The following APBB2 variants were observed in gnomAD, a reference collection of about 807,000 sequenced individuals.
APBB2 encodes the protein Fe65-like 1.
In APBB2, 38 loss-of-function variants were observed where a neutral mutation model predicts 82.5. The ratio of observed to expected loss-of-function variants is 0.46; its 90% CI spans 0.36 to 0.60. APBB2 has a LOEUF of 0.60. Ranked by LOEUF, APBB2 falls within the 20% of genes least tolerant of loss-of-function variation. APBB2 has a pLI of 0.00. For synonymous variants in APBB2, 341 were observed against 368.2 expected (o/e 0.93, Z 0.85); for missense variants, 772 against 972.3 (o/e 0.79, Z 2.74).
intron 1 of APBB2, among the ~76,000 whole-genome samples, chr4:41,206,985 G>A (rs1340027256): frequency 6.6e-6 from 1 of 152,006 alleles, no homozygotes; most frequent in Non-Finnish European, 1.5e-5. Context: ...ATCACTTGAG[G>A]TCAGGAGTTC....
chr4:40,839,134 G>C (rs1381794664), intron 12 of APBB2, among the ~76,000 whole-genome samples: 4 of 151,984 alleles, frequency 2.6e-5, no homozygotes, highest in African/African-American at 7.3e-5. Context: ...CTGGAGTGCA[G>C]TGGTGCAATC....
At chr4:40,846,348 AG>A (rs1466314365) in intron 12 of APBB2, among the ~76,000 whole-genome samples, 4 of 150,572 alleles carry the variant, frequency 2.7e-5, no homozygotes, top group Non-Finnish European at 5.9e-5. Context: ...AAAAAAAAAA[AG>A]TGCACAGACT....
intron 1 of APBB2, among the ~76,000 whole-genome samples, chr4:41,159,206 C>G (rs1764231097): frequency 6.6e-6 from 1 of 152,140 alleles, no homozygotes; most frequent in Non-Finnish European, 1.5e-5. Flanking sequence ...AATGTATTAG[C>G]CTTAAATCGA....
At chr4:40,901,907 T>TTA (rs1485703265) in intron 10 of APBB2, among the ~76,000 whole-genome samples, 4 of 121,482 alleles carry the variant, frequency 3.3e-5, no homozygotes, top group African/African-American at 1.1e-4. Context: ...ATATCCAAAA[T>TTA]TATGTGTGTG....
Position 40,814,344 on chromosome 4 carries a change from CTCT to C in APBB2, c.*1745_*1747del, listed in dbSNP as rs1173243226. ...CTGACAATAGATCTTTCCATACCTG[CTCT>C]TCTTAGTATATGCCCAGAATCATTC... On this transcript the variant is annotated 3_prime_UTR_variant, in exon 18 of 18. Coordinates refer to ENST00000508593, the MANE Select transcript of APBB2 (RefSeq NM_004307.2). The C allele has an allele frequency of 6.6e-6, 1 of 151,440 alleles. No individual in the cohort carries two copies. The highest frequency in any genetic ancestry group is 1.5e-5 in the Non-Finnish European group (1 of 67,838). 9.4% of individuals were successfully genotyped at this position (151,440 alleles called of 1,614,324 possible).
rs539564053 is a variant in APBB2 at position 40,887,765 on chromosome 4, T to C, written c.1529+2599A>G. ...CTGCTAGCTATGTGGAACCCTCCCA[T>C]GATCTCGCTGAGGTCCTGCTAGCTA... On this transcript the variant is annotated intron_variant, in intron 12 of 17. Coordinates refer to ENST00000508593, the MANE Select transcript of APBB2 (RefSeq NM_004307.2). Among the ~76,000 whole-genome samples, 241 of 152,272 alleles carry C rather than the reference T, an allele frequency of 1.6e-3. 1 individual carries two copies. The highest frequency in any genetic ancestry group is 5.4e-3 in the African/African-American group (224 of 41,566).
At chr4:41,090,128 TA>T (rs1408281068) in intron 3 of APBB2, among the ~76,000 whole-genome samples, 1 of 152,190 alleles carries the variant, frequency 6.6e-6, no homozygotes, top group Non-Finnish European at 1.5e-5. Flanking sequence ...AGACATAATT[TA>T]AAAGAAGATT....
In APBB2 at chr4:40,891,070, T is replaced by C. The variant is rs1458553902; in HGVS notation, c.1402-579A>G. On this transcript the variant is annotated intron_variant, in intron 11 of 17. Coordinates refer to ENST00000508593, the MANE Select transcript of APBB2 (RefSeq NM_004307.2). ...TACGTGCTTAAGGTGCACTGGCTCA[T>C]GAACTCTCTAAATTGCCCTCTGAGG... Among the ~76,000 whole-genome samples the C allele has an allele frequency of 2.0e-5, 3 of 152,232 alleles. No individual in the cohort carries two copies. In the East Asian group the frequency reaches 5.8e-4, roughly 29 times the overall value.
intron 4 of APBB2, among the ~76,000 whole-genome samples, chr4:41,037,348 A>C (rs1203267436): frequency 6.6e-6 from 1 of 152,210 alleles, no homozygotes; most frequent in Admixed American, 6.5e-5. Context: ...TGAAACGATA[A>C]TATTTTGGTT....
intron 6 of APBB2, among the ~76,000 whole-genome samples, chr4:40,962,461 AG>A (rs1319624892): frequency 6.6e-6 from 1 of 152,238 alleles, no homozygotes; most frequent in African/African-American, 2.4e-5. Flanking sequence ...ATGTTCAAAA[AG>A]GTCTCTTATC....
chr4:40,945,932 G>A (rs756322067), intron 6 of APBB2, among the ~76,000 whole-genome samples: 4 of 152,162 alleles, frequency 2.6e-5, no homozygotes, highest in East Asian at 1.9e-4. Context: ...CTAATTGCAC[G>A]CAAAAGATTC....
intron 10 of APBB2, among the ~76,000 whole-genome samples, chr4:40,923,076 C>T (rs552661447): frequency 9.2e-5 from 14 of 151,780 alleles, no homozygotes; most frequent in East Asian, 1.9e-4. Flanking sequence ...CCCAGGTTCA[C>T]GCCATTCTCC....
At chr4:40,945,758 G>A (rs901168526) in intron 6 of APBB2, among the ~76,000 whole-genome samples, 3 of 152,086 alleles carry the variant, frequency 2.0e-5, no homozygotes, top group African/African-American at 7.2e-5. Context: ...GACTACAGGC[G>A]CTTGCCACCA....
chr4:40,905,864 C>T (rs780661114), intron 10 of APBB2, among the ~76,000 whole-genome samples: 5 of 152,210 alleles, frequency 3.3e-5, no homozygotes, highest in Admixed American at 1.3e-4. Flanking sequence ...GGTAAGGGTA[C>T]GATGGTCCAG....
chr4:41,191,402 C>T (rs750941478), intron 1 of APBB2, among the ~76,000 whole-genome samples: 7 of 152,290 alleles, frequency 4.6e-5, no homozygotes, highest in Middle Eastern at 3.4e-3. Context: ...TTTATTTCTA[C>T]GCATTCATTT....
intron 1 of APBB2, among the ~76,000 whole-genome samples, chr4:41,201,651 C>T (rs1776729546): frequency 6.6e-6 from 1 of 152,112 alleles, no homozygotes; most frequent in African/African-American, 2.4e-5. Flanking sequence ...CAGAGTAAGG[C>T]CTGAATTTAA....
intron 12 of APBB2, among the ~76,000 whole-genome samples, chr4:40,847,282 C>T (rs1229316311): frequency 2.0e-5 from 3 of 151,950 alleles, no homozygotes; most frequent in African/African-American, 4.8e-5. Flanking sequence ...GCCAACATGA[C>T]GAAACCCTGT....
chr4:40,877,603 G>A (rs370133179), intron 12 of APBB2, among the ~76,000 whole-genome samples: 4 of 152,134 alleles, frequency 2.6e-5, no homozygotes, highest in African/African-American at 9.7e-5. Context: ...GCCTTAATCG[G>A]TGCTATATAT....
intron 12 of APBB2, chr4:40,881,392 G>T: frequency 1.0e-6 from 1 of 984,572 alleles, no homozygotes; most frequent in Non-Finnish European, 1.2e-6. Context: ...ACTTCTTCCA[G>T]ACTGAGACCC....
Sources: allele counts gnomAD v4.1 joint callset (sites outside exome capture counted in the v4.1 genomes callset), GRCh38; gene constraint gnomAD v4.1.1; transcripts MANE v1.5; gene names NCBI Gene and HGNC (gene_info 2026-07-23, HGNC 2026-07-21).